The following ACYP2 variants were observed in gnomAD, a reference collection of about 807,000 sequenced individuals.
ACYP2 encodes acylphosphatase-2.
Under a neutral mutation model 11.2 loss-of-function variants are expected in ACYP2, and 12 were observed. The observed-to-expected ratio is 1.08, with a 90% CI of 0.69 to 1.74. The LOEUF is 1.74. Among genes scored for constraint, ACYP2 ranks in the 40% most tolerant of loss-of-function variants. The pLI, the probability that ACYP2 is intolerant of heterozygous loss-of-function variation, is 0.00. For missense variants in ACYP2, 134 were observed against 101.9 expected (o/e 1.31, Z -1.35); for synonymous variants, 43 against 32.2 (o/e 1.33, Z -1.13).
chr2:54,166,617 C>A (rs997333758), intron 6 of ACYP2, among the ~76,000 whole-genome samples: 16 of 152,264 alleles, frequency 1.1e-4, no homozygotes, highest in African/African-American at 3.6e-4. Context: ...GTGAAATATG[C>A]CAAGCACAGG....
intron 6 of ACYP2, among the ~76,000 whole-genome samples, chr2:54,182,771 C>T (rs1435920128): frequency 6.6e-6 from 1 of 152,332 alleles, no homozygotes; most frequent in Non-Finnish European, 1.5e-5. Context: ...GTTTGTTTAA[C>T]CAAGTGGAAG....
At chr2:54,289,387 T>A (rs1689209045) in intron 6 of ACYP2, among the ~76,000 whole-genome samples, 2 of 152,028 alleles carry the variant, frequency 1.3e-5, no homozygotes, top group Non-Finnish European at 2.9e-5. Context: ...TTTTTGTTAC[T>A]AGGGTGACAA....
intron 6 of ACYP2, among the ~76,000 whole-genome samples, chr2:54,257,747 A>G (rs189391980): frequency 2.6e-5 from 4 of 152,358 alleles, no homozygotes; most frequent in African/African-American, 9.6e-5. Context: ...ACAGGATGTT[A>G]GACAGCTTTA....
chr2:54,121,571 T>A (rs372565828), intron 4 of ACYP2, among the ~76,000 whole-genome samples: 220 of 152,332 alleles, frequency 1.4e-3, no homozygotes, highest in African/African-American at 5.1e-3. Flanking sequence ...AGATAATGCA[T>A]GATTTAGAAG....
chr2:54,148,249 C>G (rs958114443), intron 6 of ACYP2, among the ~76,000 whole-genome samples: 1 of 151,398 alleles, frequency 6.6e-6, no homozygotes, highest in Non-Finnish European at 1.5e-5. Flanking sequence ...TTTTTGATGC[C>G]CTGAAAAAAA....
At chr2:54,207,103 A>G (rs1250039035) in intron 6 of ACYP2, among the ~76,000 whole-genome samples, 1 of 150,330 alleles carries the variant, frequency 6.7e-6, no homozygotes, top group Non-Finnish European at 1.5e-5. Flanking sequence ...ATAGATATCT[A>G]TATATAGATA....
intron 6 of ACYP2, among the ~76,000 whole-genome samples, chr2:54,288,806 G>A (rs955148921): frequency 6.6e-6 from 1 of 151,960 alleles, no homozygotes; most frequent in East Asian, 1.9e-4. Flanking sequence ...AGGAAATAGT[G>A]TGTAATTAGA....
chr2:54,184,517 A>G (rs1372916810), intron 6 of ACYP2, among the ~76,000 whole-genome samples: 2 of 152,196 alleles, frequency 1.3e-5, no homozygotes, highest in African/African-American at 4.8e-5. Context: ...CTAAAAAAAG[A>G]GAAAGAAAAA....
intron 2 of ACYP2, among the ~76,000 whole-genome samples, chr2:54,007,098 C>T (rs370101573): frequency 1.5e-5 from 2 of 131,062 alleles, no homozygotes; most frequent in Non-Finnish European, 3.1e-5. Context: ...GAGATTGTAC[C>T]ACTGCACTCC....
chr2:54,013,253 ATATGTGTGTGTGTGTG>A (rs1673479860), intron 2 of ACYP2, among the ~76,000 whole-genome samples: 1 of 24,180 alleles, frequency 4.1e-5, no homozygotes, highest in Non-Finnish European at 6.5e-5. Flanking sequence ...CCACCATCTA[ATATGTGTGTGTGTGTG>A]TGTGTGTGTG....
At chr2:54,265,961 C>T (rs1038348724) in intron 6 of ACYP2, among the ~76,000 whole-genome samples, 43 of 152,172 alleles carry the variant, frequency 2.8e-4, no homozygotes, top group African/African-American at 9.4e-4. Context: ...TTTTCACGTG[C>T]CCATTGGACA....
At chr2:54,215,600 T>C (rs1685525739) in intron 6 of ACYP2, among the ~76,000 whole-genome samples, 1 of 152,178 alleles carries the variant, frequency 6.6e-6, no homozygotes, top group African/African-American at 2.4e-5. Context: ...GCTGCTATTG[T>C]GGTTTGGGCA....
chr2:53,971,606 T>C (rs957300794), intron 1 of ACYP2, among the ~76,000 whole-genome samples: 2 of 152,192 alleles, frequency 1.3e-5, no homozygotes, highest in Admixed American at 1.3e-4. Flanking sequence ...TAACCTGGTT[T>C]CCGCCCTCCC....
intron 2 of ACYP2, among the ~76,000 whole-genome samples, chr2:54,035,272 T>C (rs970193275): frequency 2.0e-5 from 3 of 146,698 alleles, no homozygotes; most frequent in African/African-American, 7.5e-5. Flanking sequence ...TTTCTTTTTT[T>C]TTTTTTTTTT....
chr2:54,117,633 C>A (rs1379990231), intron 4 of ACYP2, among the ~76,000 whole-genome samples: 2 of 152,098 alleles, frequency 1.3e-5, no homozygotes, highest in South Asian at 2.1e-4. Context: ...GTTTATGGAA[C>A]CTCGGTTGGT....
chr2:54,186,704 G>C (rs1011575905), intron 6 of ACYP2, among the ~76,000 whole-genome samples: 1 of 151,884 alleles, frequency 6.6e-6, no homozygotes, highest in Non-Finnish European at 1.5e-5. Context: ...AGTAGAGACG[G>C]GGCTTCACCA....
intron 2 of ACYP2, among the ~76,000 whole-genome samples, chr2:54,003,232 G>A (rs1298741640): frequency 6.6e-6 from 1 of 152,064 alleles, no homozygotes; most frequent in Non-Finnish European, 1.5e-5. Context: ...ACAGGTGTGA[G>A]CCAGTGCGCC....
At chr2:54,132,355 A>G (rs75347274) in intron 4 of ACYP2, among the ~76,000 whole-genome samples, 292 of 152,232 alleles carry the variant, frequency 1.9e-3, no homozygotes, top group African/African-American at 6.8e-3. Context: ...TCAGATCAAT[A>G]TGTCCCACTC....
At chr2:54,181,248 A>AAAT (rs1284599155) in intron 6 of ACYP2, among the ~76,000 whole-genome samples, 1 of 152,208 alleles carries the variant, frequency 6.6e-6, no homozygotes, top group Non-Finnish European at 1.5e-5. Flanking sequence ...TCCTAGAAGG[A>AAAT]AATAAACAGG....
Sources: gnomAD v4.1 joint callset for allele counts (sites outside exome capture counted in the v4.1 genomes callset) on GRCh38, gnomAD v4.1.1 for gene constraint, MANE v1.5 for transcripts, NCBI Gene and HGNC (gene_info 2026-07-23, HGNC 2026-07-21) for gene names.